The following EPHA6 variants were observed in gnomAD, a reference collection of about 807,000 sequenced individuals.
EPHA6 encodes the protein EPH receptor A6.
In EPHA6, 50 loss-of-function variants were observed where a neutral mutation model predicts 112.0. The observed-to-expected ratio is 0.45, with a 90% confidence interval of 0.36 to 0.56. The LOEUF (loss-of-function observed/expected upper bound fraction) is 0.56. Ranked by LOEUF, EPHA6 falls within the 20% of genes least tolerant of loss-of-function variation. The probability of loss-of-function intolerance (pLI) is 0.00; values close to 1 mark genes in which losing one functional copy is unlikely to be tolerated. For missense variants in EPHA6, 1,280 were observed against 1,417.4 expected, an observed-to-expected ratio of 0.90 and a Z score of 1.56; for synonymous variants, 529 against 490.7, an observed-to-expected ratio of 1.08 and a Z score of -1.03.
At chr3:97,008,450 C>T (rs1433037311) in intron 3 of EPHA6, among the ~76,000 whole-genome samples, 1 of 152,018 alleles carries the variant, frequency 6.6e-6, no homozygotes, top group Non-Finnish European at 1.5e-5. Flanking sequence ...GTTTTTCAGC[C>T]CCATCAGGTT....
intron 3 of EPHA6, among the ~76,000 whole-genome samples, chr3:97,195,360 G>T (rs1397696314): frequency 6.6e-6 from 1 of 151,250 alleles, no homozygotes; most frequent in Non-Finnish European, 1.5e-5. Context: ...AACAAGCAAA[G>T]AGAAGATTAA....
intron 3 of EPHA6, among the ~76,000 whole-genome samples, chr3:97,164,149 A>G (rs1171293502): frequency 6.6e-6 from 1 of 152,302 alleles, no homozygotes; most frequent in Admixed American, 6.5e-5. Context: ...GTCCAAAAAT[A>G]TCCTATACAC....
intron 5 of EPHA6, among the ~76,000 whole-genome samples, chr3:97,381,583 C>A (rs1035619733): frequency 1.3e-5 from 2 of 152,022 alleles, no homozygotes; most frequent in African/African-American, 2.4e-5. Context: ...AGACAAATAC[C>A]CTGCTTCTCT....
chr3:97,006,060 A>G (rs1043030404), intron 3 of EPHA6, among the ~76,000 whole-genome samples: 14 of 152,188 alleles, frequency 9.2e-5, no homozygotes, highest in Admixed American at 9.2e-4. Flanking sequence ...TTCATCAGGG[A>G]TATTGGCCTG....
intron 16 of EPHA6, among the ~76,000 whole-genome samples, chr3:97,738,157 A>AC (rs1559639052): frequency 5.3e-4 from 4 of 7,616 alleles, no homozygotes; most frequent in African/African-American, 1.0e-3. Flanking sequence ...ACATAATACC[A>AC]ATTTTTTTTT....
chr3:97,405,469 G>A (rs1226621971), intron 6 of EPHA6, among the ~76,000 whole-genome samples, 195 bp downstream of exon 6: 1 of 151,752 alleles, frequency 6.6e-6, no homozygotes, highest in Non-Finnish European at 1.5e-5. Flanking sequence ...ATCTTGTTTT[G>A]TGTCAGATTA....
At chr3:97,057,061 A>G (rs1224878078) in intron 3 of EPHA6, among the ~76,000 whole-genome samples, 1 of 152,224 alleles carries the variant, frequency 6.6e-6, no homozygotes, top group African/African-American at 2.4e-5. Context: ...TTGCAGAGTT[A>G]CATAATCCAT....
At chr3:97,633,668 G>A (rs1485518987) in intron 13 of EPHA6, among the ~76,000 whole-genome samples, 2 of 151,962 alleles carry the variant, frequency 1.3e-5, no homozygotes, top group African/African-American at 4.8e-5. Flanking sequence ...GAACAATATA[G>A]CAATAACAAC....
chr3:96,848,024 A>G (rs1231903029), intron 1 of EPHA6, among the ~76,000 whole-genome samples: 3 of 152,130 alleles, frequency 2.0e-5, no homozygotes, highest in African/African-American at 4.8e-5. Flanking sequence ...AAATGTGTTC[A>G]TTCATTCTAC....
intron 7 of EPHA6, among the ~76,000 whole-genome samples, chr3:97,453,922 A>C (rs781563616): frequency 1.3e-5 from 2 of 151,722 alleles, no homozygotes; most frequent in Non-Finnish European, 3.0e-5. Context: ...AAATCATTGC[A>C]TATGTTGTAT....
intron 11 of EPHA6, among the ~76,000 whole-genome samples, chr3:97,567,575 A>T (rs2093283708): frequency 6.6e-6 from 1 of 152,200 alleles, no homozygotes; most frequent in Non-Finnish European, 1.5e-5. Context: ...TACTGGAGTA[A>T]GGTGGGACAT....
At chr3:96,865,096 A>T (rs7636220) in intron 1 of EPHA6, among the ~76,000 whole-genome samples, 33,333 of 151,936 alleles carry the variant, frequency 0.22, 6,447 homozygotes, top group African/African-American at 0.49. Context: ...ACTGTTTTTT[A>T]CTACTTCAAA....
chr3:97,094,109 G>A (rs996770580), intron 3 of EPHA6, among the ~76,000 whole-genome samples: 2 of 152,104 alleles, frequency 1.3e-5, no homozygotes, highest in African/African-American at 4.8e-5. Context: ...CTGCTATGTA[G>A]CGTCAAAGTC....
chr3:97,653,202 A>G (rs1458067914), intron 14 of EPHA6, among the ~76,000 whole-genome samples: 2 of 152,028 alleles, frequency 1.3e-5, no homozygotes, highest in Admixed American at 1.3e-4. Flanking sequence ...CAAAGGAAAC[A>G]ATCAACAAAA....
intron 6 of EPHA6, among the ~76,000 whole-genome samples, chr3:97,421,675 G>A (rs2088643650): frequency 6.6e-6 from 1 of 152,058 alleles, no homozygotes; most frequent in Non-Finnish European, 1.5e-5. Context: ...GAATAACCAG[G>A]ATACTTTTGA....
At position 97,427,935 on chromosome 3, in the gene EPHA6, C is replaced by T. The variant is rs181426682; in HGVS notation, c.1732-20633C>T. Among the ~76,000 whole-genome samples, 306 of 152,106 alleles carry T rather than the reference C, an allele frequency of 2.0e-3. 8 individuals are homozygous for T. The highest frequency in any genetic ancestry group is 0.019 in the Admixed American group (286 of 15,246). On this transcript the variant is annotated intron_variant, in intron 6 of 17. Transcript: ENST00000389672. ...CCTACTTGAGGGTTGAGGGTGGGGACGGTGCTGTCTATGGGGCACTATGCT... is the reference window on the plus strand; with the variant it reads ...CCTACTTGAGGGTTGAGGGTGGGGATGGTGCTGTCTATGGGGCACTATGCT...
intron 14 of EPHA6, among the ~76,000 whole-genome samples, chr3:97,698,409 GGT>G (rs1491273556): frequency 6.6e-6 from 1 of 151,406 alleles, no homozygotes; most frequent in Non-Finnish European, 1.5e-5. Flanking sequence ...TTGAATTAAA[GGT>G]TTTTTTTTTT....
At chr3:96,909,907 A>G (rs1405124598) in intron 2 of EPHA6, among the ~76,000 whole-genome samples, 1 of 151,928 alleles carries the variant, frequency 6.6e-6, no homozygotes, top group Admixed American at 6.6e-5. Flanking sequence ...TATTTCTTCA[A>G]TTATACAATG....
chr3:96,819,134 A>G (rs2033046925), intron 1 of EPHA6, among the ~76,000 whole-genome samples: 1 of 152,018 alleles, frequency 6.6e-6, no homozygotes, highest in Admixed American at 6.6e-5. Flanking sequence ...TTCTTCAAAC[A>G]AAAAATAACT....
Sources: gnomAD v4.1 joint callset for allele counts (sites outside exome capture counted in the v4.1 genomes callset) on GRCh38, gnomAD v4.1.1 for gene constraint, MANE v1.5 for transcripts, NCBI Gene and HGNC (gene_info 2026-07-23, HGNC 2026-07-21) for gene names.